Variants in F13B observed in about 807,000 individuals in gnomAD.
F13B encodes TGase.
A neutral mutation model predicts 79.8 loss-of-function variants in F13B; 58 were observed. That is an observed-to-expected ratio of 0.73 (90% CI 0.59 to 0.90). F13B has a LOEUF of 0.90. Among genes scored for constraint, F13B ranks in the 40% least tolerant of loss-of-function variants. The pLI, the probability that F13B is intolerant of heterozygous loss-of-function variation, is 0.00. For synonymous variants in F13B, 283 were observed against 260.3 expected, an observed-to-expected ratio of 1.09 and a Z score of -0.84; for missense variants, 773 against 777.0, an observed-to-expected ratio of 0.99 and a Z score of 0.06.
In F13B at chr1:197,050,850, G is replaced by T; in HGVS notation, c.1585C>A (p.Leu529Ile). 6.2e-7 allele frequency: 1 copy of T among 1,613,184 alleles called. No homozygotes were observed. The highest frequency in any genetic ancestry group is 1.1e-5 in the South Asian group (1 of 91,070). The change falls in exon 10 of 12, where the codon CTT becomes ATT. Residue 529 changes from leucine (L) to isoleucine (I), a missense_variant. Coordinates refer to ENST00000367412, the MANE Select transcript of F13B (RefSeq NM_001994.3). ...CTAATAATGACTCCATGTTTAATAA[G>T]AGGAGGAGATGTGCACATTCCTTTA... ...ESKGMCTSPPLIKHGVIISST... is the reference protein window; with the variant it reads ...ESKGMCTSPPIIKHGVIISST...
chr1:197,047,152 A>G (rs7517428), intron 10 of F13B, among the ~76,000 whole-genome samples: 46,060 of 152,060 alleles, frequency 0.3, 8,799 homozygotes, highest in Middle Eastern at 0.45. Flanking sequence ...AAGCCAAAAT[A>G]GACAAATGGA....
At chr1:197,040,781 A>C in intron 10 of F13B, 46 bp from the exon 11 acceptor site, 1 of 1,433,996 alleles carries the variant, frequency 7.0e-7, no homozygotes, top group Non-Finnish European at 9.6e-7. Flanking sequence ...GAAGAAAACT[A>C]TCTTGTTACA....
chr1:197,049,943 G>A (rs1468761520), intron 10 of F13B, among the ~76,000 whole-genome samples: 1 of 152,154 alleles, frequency 6.6e-6, no homozygotes, highest in East Asian at 1.9e-4. Flanking sequence ...TATTTCAACA[G>A]ATATTGCTAA....
intron 10 of F13B, among the ~76,000 whole-genome samples, chr1:197,047,952 G>A (rs1435495300): frequency 6.6e-6 from 1 of 152,054 alleles, no homozygotes; most frequent in Non-Finnish European, 1.5e-5. Context: ...AGAACACATG[G>A]ACACAGGGCA....
intron 1 of F13B, among the ~76,000 whole-genome samples, chr1:197,065,468 T>C (rs1656014752): frequency 6.6e-6 from 1 of 151,964 alleles, no homozygotes; most frequent in Admixed American, 6.6e-5. Flanking sequence ...GAATGGTAAA[T>C]AAATAAAAAT....
intron 1 of F13B, among the ~76,000 whole-genome samples, chr1:197,066,472 G>T (rs936204978): frequency 2.0e-5 from 3 of 151,962 alleles, no homozygotes; most frequent in African/African-American, 7.3e-5. Flanking sequence ...GCTTCCACTC[G>T]CACACTAATC....
At chr1:197,039,787 G>A (rs545700862) in intron 11 of F13B, among the ~76,000 whole-genome samples, 13 of 151,908 alleles carry the variant, frequency 8.6e-5, no homozygotes, top group African/African-American at 2.9e-4. Flanking sequence ...TACTAGAGTG[G>A]TCAAAGCATC....
rs1183360497 is a variant in F13B at position 197,061,952 on chromosome 1, C to G, written c.283G>C (p.Asp95His). The change falls in exon 3 of 12, where the codon GAC becomes CAC. Residue 95 changes from aspartate to histidine, a missense_variant. By Grantham distance (81) the Asp-to-His change is moderately conservative. Coordinates refer to ENST00000367412, the MANE Select transcript of F13B (RefSeq NM_001994.3). ...TCAGAGATGTAACCATTACTCAGGT[C>G]AGGCTTAGTGCATTTTTCTATGGGA... The part of the protein sequence containing the change: ...PRCFKKCTKP[D>H]LSNGYISDVK... 5 of 1,612,272 alleles carry G rather than the reference C, an allele frequency of 3.1e-6. No homozygotes were observed. The highest frequency in any genetic ancestry group is 4.2e-6 in the Non-Finnish European group (5 of 1,178,966).
Position 197,065,886 on chromosome 1 carries a change from C to T in F13B, c.64+1274G>A, listed in dbSNP as rs983690235. Among the ~76,000 whole-genome samples the T allele has an allele frequency of 2.0e-5, 3 of 151,984 alleles. No individual in the cohort carries two copies. The South Asian group carries it at 6.2e-4, about 32-fold the overall frequency. On this transcript the variant is annotated intron_variant, in intron 1 of 11. Transcript: ENST00000367412. The stretch of plus-strand genomic sequence containing the variant: ...TTCATAGGCCAATAATACTTGCATA[C>T]CATGAAATGAGAAACACAATTAATT...
chr1:197,046,710 C>T (rs1368806495), intron 10 of F13B, among the ~76,000 whole-genome samples: 7 of 152,164 alleles, frequency 4.6e-5, no homozygotes, highest in African/African-American at 1.7e-4. Context: ...CCAAGACAAT[C>T]CTAAGCAAAA....
intron 1 of F13B, among the ~76,000 whole-genome samples, chr1:197,063,369 A>G (rs1363782082): frequency 6.6e-6 from 1 of 152,008 alleles, no homozygotes; most frequent in Non-Finnish European, 1.5e-5. Flanking sequence ...TCAGTTATCC[A>G]AGCTTCAGTG....
At chr1:197,047,014 A>T (rs1655257737) in intron 10 of F13B, among the ~76,000 whole-genome samples, 1 of 152,192 alleles carries the variant, frequency 6.6e-6, no homozygotes, top group South Asian at 2.1e-4. Context: ...TTAACTCAAG[A>T]TGCATTAAAA....
In F13B at chr1:197,060,523, TAAA is replaced by T. The variant is rs750927097; in HGVS notation, c.645_647del (p.Leu216del). On this transcript the variant is annotated inframe_deletion, in exon 5 of 12. Transcript: ENST00000367412. Reference sequence around the variant, plus strand: ...GAAAATAACCATTTTCAATTAATCTTAAAGAAGAGCACTTTAATTCTGCAAATA... The same window carrying T: ...GAAAATAACCATTTTCAATTAATCTTGAAGAGCACTTTAATTCTGCAAATA... The T allele has an allele frequency of 3.8e-6, 6 of 1,592,214 alleles. No homozygotes were observed. In the African/African-American group the frequency reaches 4.0e-5, roughly 11 times the overall value.
chr1:197,052,620 CATT>C lies in F13B; in HGVS notation c.1555+11_1555+13del. 1 of 1,586,136 alleles carries C rather than the reference CATT, an allele frequency of 6.3e-7. No homozygotes were observed. The highest frequency in any genetic ancestry group is 8.6e-7 in the Non-Finnish European group (1 of 1,156,946). ...GTCAAGTAAAGATACTTGCAGAGAA[CATT>C]ATTATTTTACCTTTTCTAGTACATA... On this transcript the variant is annotated intron_variant, in intron 9 of 11. Coordinates refer to ENST00000367412, the MANE Select transcript of F13B (RefSeq NM_001994.3).
chr1:197,065,227 C>T (rs1253321190), intron 1 of F13B, among the ~76,000 whole-genome samples: 1 of 152,116 alleles, frequency 6.6e-6, no homozygotes, highest in Non-Finnish European at 1.5e-5. Context: ...GCACAACAAT[C>T]CTAGGTTGTG....
Position 197,060,867 on chromosome 1 carries a change from G to A in F13B, c.628+32C>T, listed in dbSNP as rs1206968523. Reference sequence around the variant, plus strand: ...CTCTATGAGAAAAAGCTTTCAGAGTGAGAGTAGATTTTATTCCAAATGAGA... The same window carrying A: ...CTCTATGAGAAAAAGCTTTCAGAGTAAGAGTAGATTTTATTCCAAATGAGA... On this transcript the variant is annotated intron_variant, in intron 4 of 11. Transcript: ENST00000367412. The A allele has an allele frequency of 2.5e-6, 4 of 1,590,586 alleles. No individual in the cohort carries two copies. In the African/African-American group the frequency reaches 4.0e-5, roughly 16 times the overall value.
At position 197,044,897 on chromosome 1, in the gene F13B, C is replaced by G. The variant is rs147419255; in HGVS notation, c.1739-4162G>C. On this transcript the variant is annotated intron_variant, in intron 10 of 11. Coordinates refer to ENST00000367412, the MANE Select transcript of F13B (RefSeq NM_001994.3). ...CTACATGGAAACTGAACAGCCTACT[C>G]CTGAATGACTACTAGATAAATAACG... Among the ~76,000 whole-genome samples the G allele has an allele frequency of 2.0e-5, 3 of 152,100 alleles. No individual in the cohort carries two copies. The East Asian group carries it at 5.8e-4, about 29-fold the overall frequency.
chr1:197,058,793 G>A (rs1655738146), intron 5 of F13B, among the ~76,000 whole-genome samples: 1 of 152,038 alleles, frequency 6.6e-6, no homozygotes, highest in African/African-American at 2.4e-5. Flanking sequence ...GAGTAAGAGA[G>A]ATATAATTCA....
chr1:197,054,766 T>C (rs1232037935), intron 8 of F13B, among the ~76,000 whole-genome samples: 1 of 151,934 alleles, frequency 6.6e-6, no homozygotes, highest in Non-Finnish European at 1.5e-5. Flanking sequence ...ATATTCAAAG[T>C]TAACAAAGAT....
Sources: gnomAD v4.1 joint callset for allele counts (sites outside exome capture counted in the v4.1 genomes callset) on GRCh38, gnomAD v4.1.1 for gene constraint, MANE v1.5 for transcripts, NCBI Gene and HGNC (gene_info 2026-07-23, HGNC 2026-07-21) for gene names.